The following GLIS1 variants were observed in gnomAD, a reference collection of about 807,000 sequenced individuals.
GLIS1 encodes zinc finger protein GLIS1.
Under a neutral mutation model 63.8 loss-of-function variants are expected in GLIS1, and 24 were observed. The observed-to-expected ratio is 0.38, with a 90% CI of 0.27 to 0.53. The LOEUF (loss-of-function observed/expected upper bound fraction) is 0.53. Among genes scored for constraint, GLIS1 ranks in the 20% least tolerant of loss-of-function variants. The probability of loss-of-function intolerance (pLI) is 0.85; values close to 1 mark genes in which losing one functional copy is unlikely to be tolerated. For synonymous variants in GLIS1, 450 were observed against 482.5 expected (o/e 0.93, Z 0.88); for missense variants, 1,036 against 1,074.1 (o/e 0.96, Z 0.50).
At chr1:53,571,780 G>A (rs1333143707) in intron 4 of GLIS1, among the ~76,000 whole-genome samples, 7 of 151,926 alleles carry the variant, frequency 4.6e-5, no homozygotes, top group Middle Eastern at 3.4e-3. Flanking sequence ...GGGTTTCACC[G>A]TGTTAGCCAG....
intron 2 of GLIS1, among the ~76,000 whole-genome samples, chr1:53,683,597 C>T (rs376569551): frequency 2.6e-4 from 39 of 152,250 alleles, no homozygotes; most frequent in African/African-American, 8.9e-4. Context: ...ACACAGCATG[C>T]ATCAAGGACG....
chr1:53,731,817 T>G lies in GLIS1; in HGVS notation c.259+5989A>C, dbSNP rs141981457. Among the ~76,000 whole-genome samples the G allele has an allele frequency of 3.2e-3, 484 of 152,342 alleles. 2 individuals are homozygous for G. The highest frequency in any genetic ancestry group is 0.011 in the African/African-American group (469 of 41,572). ...CATCTTTAGCAGTCAAGAGTTCCAG[T>G]GTATAACCTGGTCTGAGACAAAAGT... On this transcript the variant is annotated intron_variant, in intron 2 of 10. Transcript: ENST00000628545.
At chr1:53,662,705 T>C (rs749300659) in intron 2 of GLIS1, among the ~76,000 whole-genome samples, 9 of 152,040 alleles carry the variant, frequency 5.9e-5, no homozygotes, top group Non-Finnish European at 1.3e-4. Flanking sequence ...GAGCTAATTA[T>C]CCCTCCCACC....
At chr1:53,689,711 A>G (rs1465201170) in intron 2 of GLIS1, among the ~76,000 whole-genome samples, 2 of 152,260 alleles carry the variant, frequency 1.3e-5, no homozygotes, top group East Asian at 3.9e-4. Flanking sequence ...GCCCACAGTA[A>G]CAGCCTGAGA....
At chr1:53,631,252 G>A (rs1270483745) in intron 2 of GLIS1, among the ~76,000 whole-genome samples, 9 of 152,034 alleles carry the variant, frequency 5.9e-5, no homozygotes, top group Non-Finnish European at 1.2e-4. Context: ...AATTTTTTGT[G>A]GGTGGTTTCA....
At chr1:53,690,300 C>A (rs1646388449) in intron 2 of GLIS1, among the ~76,000 whole-genome samples, 1 of 152,252 alleles carries the variant, frequency 6.6e-6, no homozygotes, top group Admixed American at 6.5e-5. Context: ...CTCCGCTGCC[C>A]CCATCAGCGC....
chr1:53,628,180 T>C (rs531496285), intron 2 of GLIS1, among the ~76,000 whole-genome samples: 264 of 152,232 alleles, frequency 1.7e-3, no homozygotes, highest in African/African-American at 6.2e-3. Flanking sequence ...CTGGGGTGCC[T>C]TTAGTGGTCA....
chr1:53,694,366 A>G lies in GLIS1; in HGVS notation c.259+43440T>C, dbSNP rs1646441990. Among the ~76,000 whole-genome samples, 4 of 152,156 alleles carry G rather than the reference A, an allele frequency of 2.6e-5. No homozygotes were observed. The South Asian group carries it at 8.3e-4, about 31-fold the overall frequency. The stretch of plus-strand genomic sequence containing the variant: ...TCCCCATACCTCACCCTGTGGACTC[A>G]AGTCCAAGCTTATACCTCCTCACTC... On this transcript the variant is annotated intron_variant, in intron 2 of 10. Transcript: ENST00000628545.
intron 7 of GLIS1, among the ~76,000 whole-genome samples, chr1:53,518,856 C>G (rs902057801): frequency 2.6e-5 from 4 of 152,232 alleles, no homozygotes; most frequent in Non-Finnish European, 5.9e-5. Context: ...CTGGGACAAG[C>G]CTGAGGCCGG....
At chr1:53,642,458 C>G (rs1485320494) in intron 2 of GLIS1, among the ~76,000 whole-genome samples, 1 of 152,218 alleles carries the variant, frequency 6.6e-6, no homozygotes, top group African/African-American at 2.4e-5. Context: ...CCACAATACG[C>G]TGCTGGAATG....
At position 53,673,122 on chromosome 1, in the gene GLIS1, T is replaced by C. The variant is rs998504104; in HGVS notation, c.259+64684A>G. The stretch of plus-strand genomic sequence containing the variant: ...GGTGGAAGCCTTGTTCCAATCTGGG[T>C]CCCCACAAGCCCCCCTTCATTTCCC... On this transcript the variant is annotated intron_variant, in intron 2 of 10. Coordinates refer to ENST00000628545, the MANE Select transcript of GLIS1 (RefSeq NM_001367484.1). Among the ~76,000 whole-genome samples the C allele has an allele frequency of 2.0e-5, 3 of 152,112 alleles. No individual in the cohort carries two copies. In the South Asian group the frequency reaches 6.2e-4, roughly 32 times the overall value.
intron 2 of GLIS1, among the ~76,000 whole-genome samples, chr1:53,616,883 G>C (rs1365874020): frequency 1.3e-5 from 2 of 152,212 alleles, no homozygotes; most frequent in African/African-American, 4.8e-5. Flanking sequence ...AATAGGGAAA[G>C]GGCTACTGGG....
intron 2 of GLIS1, among the ~76,000 whole-genome samples, chr1:53,696,213 A>C (rs1646463762): frequency 6.6e-6 from 1 of 152,244 alleles, no homozygotes; most frequent in African/African-American, 2.4e-5. Flanking sequence ...CTAACAATAA[A>C]AAATAATATT....
intron 8 of GLIS1, among the ~76,000 whole-genome samples, chr1:53,513,149 G>C (rs1443810826): frequency 6.6e-6 from 1 of 152,024 alleles, no homozygotes. Flanking sequence ...TGGACCCCCA[G>C]CTCATCCCTG....
intron 2 of GLIS1, among the ~76,000 whole-genome samples, chr1:53,665,934 T>A (rs1487007293): frequency 6.6e-6 from 1 of 151,810 alleles, no homozygotes; most frequent in Non-Finnish European, 1.5e-5. Context: ...CCAAGTGGAG[T>A]AGATTTAAAG....
intron 4 of GLIS1, among the ~76,000 whole-genome samples, chr1:53,550,384 G>C (rs748509179): frequency 4.6e-5 from 7 of 152,174 alleles, no homozygotes; most frequent in Non-Finnish European, 7.4e-5. Context: ...AGAGGCCTCT[G>C]GGGGAGGCTT....
chr1:53,597,461 T>A (rs1385673119), intron 3 of GLIS1, among the ~76,000 whole-genome samples: 1 of 151,782 alleles, frequency 6.6e-6, no homozygotes, highest in East Asian at 1.9e-4. Flanking sequence ...CTGGGCCTCC[T>A]GGGACCATGA....
chr1:53,708,973 C>T (rs867946936), intron 2 of GLIS1, among the ~76,000 whole-genome samples: 1 of 152,126 alleles, frequency 6.6e-6, no homozygotes, highest in Non-Finnish European at 1.5e-5. Flanking sequence ...CTAGAATGTA[C>T]ACTCCATGAA....
chr1:53,692,131 C>T (rs1219505493), intron 2 of GLIS1, among the ~76,000 whole-genome samples: 1 of 152,198 alleles, frequency 6.6e-6, no homozygotes, highest in Non-Finnish European at 1.5e-5. Context: ...TTTTCCTTCT[C>T]ATCCAACCTC....
Sources: gnomAD v4.1 joint callset for allele counts (sites outside exome capture counted in the v4.1 genomes callset) on GRCh38, gnomAD v4.1.1 for gene constraint, MANE v1.5 for transcripts, NCBI Gene and HGNC (gene_info 2026-07-23, HGNC 2026-07-21) for gene names.